Variants in LUM observed in about 807,000 individuals in gnomAD.
LUM encodes lumican.
In LUM, 13 loss-of-function variants were observed where a neutral mutation model predicts 20.5. That is an observed-to-expected ratio of 0.63 (90% CI 0.41 to 1.01). The LOEUF (loss-of-function observed/expected upper bound fraction) is 1.01, where lower values mean the gene tolerates loss of function less well. Among genes scored for constraint, LUM ranks in the 50% least tolerant of loss-of-function variants. The pLI is 0.00. For synonymous variants in LUM, 173 were observed against 151.5 expected, an observed-to-expected ratio of 1.14 and a Z score of -1.04; for missense variants, 321 against 391.1, an observed-to-expected ratio of 0.82 and a Z score of 1.51.
At position 91,104,322 on chromosome 12, in the gene LUM, A is replaced by G. The variant is rs1879982938; in HGVS notation, c.863-3T>C. The G allele has an allele frequency of 6.2e-7, 1 of 1,606,844 alleles. No individual in the cohort carries two copies. Among genetic ancestry groups the G allele is most frequent in the African/African-American group, 1.3e-5 (1 of 74,812 alleles). On this transcript the variant is annotated splice_region_variant and splice_polypyrimidine_tract_variant and intron_variant, in intron 2 of 2. Transcript: ENST00000266718. ...GCAGAAGCTCTTTATGTCAAACTCT[A>G]AAAATTAAAGAATAGAAAACATTAA...
intron 2 of LUM, among the ~76,000 whole-genome samples, chr12:91,107,154 AG>A (rs1392343783): frequency 2.1e-5 from 3 of 144,622 alleles, no homozygotes; most frequent in South Asian, 2.3e-4. Flanking sequence ...AAAAAAAAAA[AG>A]AAAGAAAGAA....
intron 2 of LUM, among the ~76,000 whole-genome samples, chr12:91,106,147 T>C (rs1298795492): frequency 6.6e-6 from 1 of 152,112 alleles, no homozygotes; most frequent in African/African-American, 2.4e-5. Context: ...AGCTTCAGAG[T>C]TGGCGAGTAT....
chr12:91,111,206 A>G (rs148888594), intron 1 of LUM, among the ~76,000 whole-genome samples, 192 bp downstream of exon 1: 16 of 152,332 alleles, frequency 1.1e-4, no homozygotes, highest in African/African-American at 3.1e-4. Flanking sequence ...TACAGCATAT[A>G]CTGTATAAAA....
At position 91,108,880 on chromosome 12, in the gene LUM, A is replaced by T; in HGVS notation, c.100T>A (p.Ser34Thr). 6.2e-7 allele frequency: 1 copy of T among 1,614,030 alleles called. No individual in the cohort carries two copies. The highest frequency in any genetic ancestry group is 8.5e-7 in the Non-Finnish European group (1 of 1,179,982). Residue 34 changes from serine to threonine, a missense_variant, in exon 2 of 3, where the codon TCA becomes ACA. Transcript: ENST00000266718. The surrounding 1 kb of genome is among the most constrained non-coding windows in gnomAD (Gnocchi z 4.2). ...DFPLSIYGQSSPNCAPECNCP... is the reference protein window; with the variant it reads ...DFPLSIYGQSTPNCAPECNCP... ...TTACATTCTGGTGCACAGTTTGGTGATGATTGCCCATAAATTGATAGGGGA... is the reference window on the plus strand; with the variant it reads ...TTACATTCTGGTGCACAGTTTGGTGTTGATTGCCCATAAATTGATAGGGGA...
chr12:91,102,806 T>G lies in LUM; in HGVS notation c.*1359A>C, dbSNP rs1466309244. ...CGCACATATCTGCCAGTCAACTCAG[T>G]CTCAATGATGATCCTCTGATGAAAG... On this transcript the variant is annotated 3_prime_UTR_variant, in exon 3 of 3. Coordinates refer to ENST00000266718, the MANE Select transcript of LUM (RefSeq NM_002345.4). The G allele has an allele frequency of 1.3e-5, 2 of 152,090 alleles. No homozygotes were observed. Among genetic ancestry groups the G allele is most frequent in the Non-Finnish European group, 2.9e-5 (2 of 67,960 alleles). The allele number at this position is 152,090 out of a possible 1,614,324, so 9.4% of individuals were successfully genotyped here. A position where few individuals can be genotyped will look rare whatever the true frequency, so the allele number is the denominator to read the frequency against.
intron 2 of LUM, among the ~76,000 whole-genome samples, chr12:91,106,312 T>A (rs1430609213): frequency 6.6e-6 from 1 of 152,194 alleles, no homozygotes; most frequent in East Asian, 1.9e-4. Context: ...TGTAGAGATG[T>A]TCAAATTCAA....
chr12:91,107,574 C>T (rs117422278), intron 2 of LUM, among the ~76,000 whole-genome samples: 4 of 152,180 alleles, frequency 2.6e-5, no homozygotes, highest in African/African-American at 2.4e-5. Flanking sequence ...TGAGTTGGCC[C>T]GGAATTTTTA....
rs1352789745 is a variant in LUM, at chr12:91,103,564, T to G, written c.*601A>C. On this transcript the variant is annotated 3_prime_UTR_variant, in exon 3 of 3. Coordinates refer to ENST00000266718, the MANE Select transcript of LUM (RefSeq NM_002345.4). ...ACACAGTGATGCCATTTGCTATGTT[T>G]TATTTTGCTAGTAGCTTATTAAACA... The G allele has an allele frequency of 6.6e-6, 1 of 152,146 alleles. No homozygotes were observed. Among genetic ancestry groups the G allele is most frequent in the Non-Finnish European group, 1.5e-5 (1 of 67,978 alleles). The allele number at this position is 152,146 out of a possible 1,614,324, so 9.4% of individuals were successfully genotyped here. A position where few individuals can be genotyped will look rare whatever the true frequency, so the allele number is the denominator to read the frequency against.
chr12:91,104,086 A>G lies in LUM; in HGVS notation c.*79T>C, dbSNP rs1056397673. ...ATTTTAAAATTCATGGAAGTAATAA[A>G]CAGTAATAAAATATGGATACTATGA... is the stretch of plus-strand genomic sequence containing the variant. On this transcript the variant is annotated 3_prime_UTR_variant, in exon 3 of 3. Transcript: ENST00000266718. The G allele has an allele frequency of 6.2e-6, 7 of 1,134,912 alleles. No individual in the cohort carries two copies. The African/African-American group carries it at 1.1e-4, about 18-fold the overall frequency. The allele number at this position is 1,134,912 out of a possible 1,614,324, so 70.3% of individuals were successfully genotyped here. A position where few individuals can be genotyped will look rare whatever the true frequency, so the allele number is the denominator to read the frequency against.
intron 2 of LUM, among the ~76,000 whole-genome samples, chr12:91,105,590 T>A (rs17018731): frequency 1.3e-5 from 2 of 152,064 alleles, no homozygotes; most frequent in African/African-American, 2.4e-5. Flanking sequence ...GATTATTATC[T>A]GGCAAAATAA....
Position 91,107,287 on chromosome 12 carries a change from GAGAAAGAAAGAAAGAAAGAAAGAA to G in LUM, c.862+807_862+830del, listed in dbSNP as rs869096187. On this transcript the variant is annotated intron_variant, in intron 2 of 2. Coordinates refer to ENST00000266718, the MANE Select transcript of LUM (RefSeq NM_002345.4). ...AGAAAGAAAGAAAGAAAGAAAGAAA[GAGAAAGAAAGAAAGAAAGAAAGAA>G]AGAAAGAAAGAAAGAAAGAAAGAAA... 3.3e-4 allele frequency among the ~76,000 whole-genome samples: 20 copies of G among 61,328 alleles called. 1 individual carries two copies. The highest frequency in any genetic ancestry group is 1.4e-3 in the African/African-American group (19 of 13,380). The allele number at this position is 61,328 out of a possible 152,430, so 40.2% of individuals were successfully genotyped here.
rs1879974874 is a variant in LUM at position 91,104,123 on chromosome 12, C to T, written c.*42G>A. Reference sequence around the variant, plus strand: ...TATGGATACTATGAAAACTGACACACAGAAAAACATAACCATAAAATATTG... The same window carrying T: ...TATGGATACTATGAAAACTGACACATAGAAAAACATAACCATAAAATATTG... On this transcript the variant is annotated 3_prime_UTR_variant, in exon 3 of 3. Transcript: ENST00000266718. 1.3e-6 allele frequency: 2 copies of T among 1,535,006 alleles called. No homozygotes were observed. The highest frequency in any genetic ancestry group is 1.8e-6 in the Non-Finnish European group (2 of 1,112,880).
rs1880077805 is a variant in LUM, at chr12:91,107,263, GAAA to G, written c.862+852_862+854del. ...GGAAAGAAAGAAAGAAAGAAAGAAA[GAAA>G]GAAAGAAAGAAAGAAAGAAAGAGAA... On this transcript the variant is annotated intron_variant, in intron 2 of 2. Coordinates refer to ENST00000266718, the MANE Select transcript of LUM (RefSeq NM_002345.4). Among the ~76,000 whole-genome samples, 172 of 84,720 alleles carry G rather than the reference GAAA, an allele frequency of 2.0e-3. 6 individuals are homozygous for G. The highest frequency in any genetic ancestry group is 8.7e-3 in the African/African-American group (163 of 18,780). 55.6% of individuals were successfully genotyped at this position (84,720 alleles called of 152,430 possible).
At chr12:91,109,090 T>C in intron 1 of LUM, 90 bp from the exon 2 acceptor site, 2 of 964,436 alleles carry the variant, frequency 2.1e-6, no homozygotes, top group Non-Finnish European at 3.1e-6. Flanking sequence ...CATTAGAAAA[T>C]GTGCATTTTG....
intron 1 of LUM, 132 bp from the exon 2 acceptor site, chr12:91,109,132 A>G (rs1388223247): frequency 1.5e-6 from 1 of 678,680 alleles, no homozygotes; most frequent in East Asian, 2.8e-5. Context: ...TGCATCTAAC[A>G]GCGTCTTTTA....
chr12:91,109,985 T>C (rs1880166902), intron 1 of LUM, among the ~76,000 whole-genome samples: 1 of 152,178 alleles, frequency 6.6e-6, no homozygotes, highest in African/African-American at 2.4e-5. Context: ...AATTATTCAA[T>C]TGAGAATATG....
In LUM at chr12:91,106,690, TAAAAA is replaced by T. The variant is rs374164456; in HGVS notation, c.862+1423_862+1427del. On this transcript the variant is annotated intron_variant, in intron 2 of 2. Transcript: ENST00000266718. ...AAGCTCTGTAACACTATTTTTCTTC[TAAAAA>T]AAAAAAAAAAAAAAAAGATGTTAGA... Among the ~76,000 whole-genome samples, 9 of 90,602 alleles carry T rather than the reference TAAAAA, an allele frequency of 9.9e-5. 1 individual carries two copies. The highest frequency in any genetic ancestry group is 3.2e-4 in the African/African-American group (7 of 21,876). The allele number at this position is 90,602 out of a possible 152,430, so 59.4% of individuals were successfully genotyped here.
chr12:91,106,597 A>G (rs1412635312), intron 2 of LUM, among the ~76,000 whole-genome samples: 2 of 151,760 alleles, frequency 1.3e-5, no homozygotes, highest in African/African-American at 4.8e-5. Flanking sequence ...TAAATGAAAA[A>G]TAAAGAGAGG....
At chr12:91,107,934 T>C (rs1440505988) in intron 2 of LUM, among the ~76,000 whole-genome samples, 184 bp downstream of exon 2, 1 of 152,084 alleles carries the variant, frequency 6.6e-6, no homozygotes, top group Non-Finnish European at 1.5e-5. Flanking sequence ...CAGGCTGGTC[T>C]CAACTCCTGA....
Sources: allele counts gnomAD v4.1 joint callset (sites outside exome capture counted in the v4.1 genomes callset), GRCh38; gene constraint gnomAD v4.1.1; non-coding constraint Gnocchi (gnomAD v3.1); transcripts MANE v1.5; gene names NCBI Gene and HGNC (gene_info 2026-07-23, HGNC 2026-07-21).